TLR5: variants seen among roughly 807,000 people sequenced by gnomAD.
TLR5 encodes the protein toll-like receptor 5.
For synonymous variants in TLR5, 373 were observed against 384.4 expected (o/e 0.97, Z 0.35); for missense variants, 944 against 999.8 (o/e 0.94, Z 0.75).
chr1:223,136,643 G>A (rs1657624935), intron 3 of TLR5, among the ~76,000 whole-genome samples: 1 of 152,184 alleles, frequency 6.6e-6, no homozygotes. Flanking sequence ...AGGACTAAAA[G>A]TGACTTCTGA....
rs535521622 is a variant in TLR5 at position 223,131,133 on chromosome 1, G to A, written c.-5+1342C>T. ...CACACCCCTCACTTACTATCTGAGG[G>A]GGCTTCCTAGGGCATGACTCTGATT... On this transcript the variant is annotated intron_variant, in intron 5 of 5. Transcript: ENST00000642603. The surrounding 1 kb of genome is among the most constrained non-coding windows in gnomAD (Gnocchi z 4.2). Among the ~76,000 whole-genome samples, 1 of 152,246 alleles carries A rather than the reference G, an allele frequency of 6.6e-6. No individual in the cohort carries two copies. The highest frequency in any genetic ancestry group is 6.5e-5 in the Admixed American group (1 of 15,304).
intron 5 of TLR5, among the ~76,000 whole-genome samples, chr1:223,116,461 T>C (rs1459316905): frequency 6.6e-6 from 1 of 152,178 alleles, no homozygotes; most frequent in African/African-American, 2.4e-5. Context: ...CTTGCTGGCC[T>C]CAGGAATTAA....
At chr1:223,135,510 A>G (rs557826409) in intron 3 of TLR5, among the ~76,000 whole-genome samples, 2 of 152,306 alleles carry the variant, frequency 1.3e-5, no homozygotes, top group East Asian at 3.9e-4. Flanking sequence ...GAGGATAAAT[A>G]TCGGTTCTAG....
At position 223,110,764 on chromosome 1, in the gene TLR5, A is replaced by T; in HGVS notation, c.2268T>A (p.Cys756Ter). The change falls in exon 6 of 6, where the codon TGT (cysteine) becomes TGA (stop). Residue 756 changes from cysteine to a stop codon, truncating the protein, a stop_gained. Coordinates refer to ENST00000642603, the MANE Select transcript of TLR5 (RefSeq NM_003268.6). LOFTEE classifies it low-confidence loss of function (END_TRUNC). ...CTCTAAGGAAGTGTCTGCTCACAAG[A>T]CAAACGATCTTTCTACTGTTCCAGA... Reference protein sequence around the residue: ...DAIWNSRKIVCLVSRHFLRDG... With the variant: ...DAIWNSRKIV 6.2e-7 allele frequency: 1 copy of T among 1,614,250 alleles called. No individual in the cohort carries two copies. Among genetic ancestry groups the T allele is most frequent in the African/African-American group, 1.3e-5 (1 of 75,072 alleles).
intron 5 of TLR5, among the ~76,000 whole-genome samples, chr1:223,126,296 T>C (rs1168233549): frequency 6.6e-6 from 1 of 152,038 alleles, no homozygotes; most frequent in Non-Finnish European, 1.5e-5. Context: ...ATATCTAGAA[T>C]AGATAAATTC....
chr1:223,113,067 G>C lies in TLR5; in HGVS notation c.-4-32C>G, dbSNP rs773962734. The C allele has an allele frequency of 5.0e-6, 8 of 1,608,878 alleles. No homozygotes were observed. The African/African-American group carries it at 9.4e-5, about 19-fold the overall frequency. ...AGAAGAAGGGAGAATGAAAACACAG[G>C]CATTTAAGCTCGAGGTATTGCACTG... is the stretch of plus-strand genomic sequence containing the variant. On this transcript the variant is annotated intron_variant, in intron 5 of 5. Transcript: ENST00000642603.
intron 2 of TLR5, among the ~76,000 whole-genome samples, chr1:223,138,921 G>A (rs1186276967): frequency 3.3e-5 from 5 of 152,170 alleles, no homozygotes; most frequent in Non-Finnish European, 7.3e-5. Context: ...CAGGTCTTCT[G>A]CGTGCTGTTC....
At chr1:223,113,181 C>A in intron 5 of TLR5, 146 bp from the exon 6 acceptor site, 1 of 777,086 alleles carries the variant, frequency 1.3e-6, no homozygotes, top group East Asian at 2.7e-5. Context: ...TGGCTGTTGG[C>A]AGATACAGAC....
intron 5 of TLR5, among the ~76,000 whole-genome samples, chr1:223,119,969 A>AAAATAAAATAAAATAAAATAAAAT (rs1656865281): frequency 2.7e-5 from 2 of 75,372 alleles, no homozygotes; most frequent in African/African-American, 2.0e-4. Context: ...AAAATAAAAT[A>AAAATAAAATAAAATAAAATAAAAT]AAATAAAATA....
intron 5 of TLR5, among the ~76,000 whole-genome samples, chr1:223,124,455 A>AG (rs1401392752): frequency 1.3e-5 from 2 of 151,442 alleles, no homozygotes; most frequent in Non-Finnish European, 2.9e-5. Flanking sequence ...AACAAAAAAA[A>AG]AAAAGAAAAA....
intron 5 of TLR5, among the ~76,000 whole-genome samples, chr1:223,118,997 A>T (rs1656811349): frequency 6.6e-6 from 1 of 152,040 alleles, no homozygotes; most frequent in Non-Finnish European, 1.5e-5. Context: ...CTAGCTACTC[A>T]GGAGGCTCAG....
chr1:223,142,176 A>G (rs1004514280), intron 1 of TLR5, among the ~76,000 whole-genome samples: 3 of 152,172 alleles, frequency 2.0e-5, no homozygotes, highest in Non-Finnish European at 4.4e-5. Context: ...TGGCCCTGCA[A>G]GAGCCTGACT....
rs1201531121 is a variant in TLR5 at position 223,131,368 on chromosome 1, G to C, written c.-5+1107C>G. Among the ~76,000 whole-genome samples, 1 of 152,140 alleles carries C rather than the reference G, an allele frequency of 6.6e-6. No homozygotes were observed. The highest frequency in any genetic ancestry group is 2.4e-5 in the African/African-American group (1 of 41,416). The stretch of plus-strand genomic sequence containing the variant: ...GGCATCCCATCACTGCCTTGTGCTC[G>C]AGATCTAACTTGCCATTCTCAGAGT... On this transcript the variant is annotated intron_variant, in intron 5 of 5. Transcript: ENST00000642603. The surrounding 1 kb of genome is among the most constrained non-coding windows in gnomAD (Gnocchi z 4.2).
In TLR5 at chr1:223,114,346, TC is replaced by T. The variant is rs201211152; in HGVS notation, c.-4-1312del. On this transcript the variant is annotated intron_variant, in intron 5 of 5. Transcript: ENST00000642603. ...TGGTGTCTATTATTTGCACAGCACCTCCATCTTTGGTGCCTACTATGCATTC... is the reference window on the plus strand; with the variant it reads ...TGGTGTCTATTATTTGCACAGCACCTCATCTTTGGTGCCTACTATGCATTC... Among the ~76,000 whole-genome samples the T allele has an allele frequency of 2.8e-3, 429 of 152,332 alleles. 3 individuals carry two copies. Among genetic ancestry groups the T allele is most frequent in the African/African-American group, 0.01 (418 of 41,572 alleles).
Position 223,112,155 on chromosome 1 carries a change from G to A in TLR5, c.877C>T (p.Leu293=). 1 of 1,614,218 alleles carries A rather than the reference G, an allele frequency of 6.2e-7. No homozygotes were observed. The highest frequency in any genetic ancestry group is 8.5e-7 in the Non-Finnish European group (1 of 1,180,046). ...AAGACAAACCCATGTGAAAGATCCA[G>A]GTGTCTCACTGAACTTCTGGCCAGG... ...AGLARSSVRH[L]DLSHGFVFSL... Residue 293 remains leucine (L), a synonymous_variant, in exon 6 of 6, where the codon CTG becomes TTG. Coordinates refer to ENST00000642603, the MANE Select transcript of TLR5 (RefSeq NM_003268.6).
In TLR5 at chr1:223,112,097, T is replaced by C. The variant is rs1325241677; in HGVS notation, c.935A>G (p.Lys312Arg). 1.9e-6 allele frequency: 3 copies of C among 1,614,214 alleles called. No individual in the cohort carries two copies. Among genetic ancestry groups the C allele is most frequent in the South Asian group, 1.1e-5 (1 of 91,090 alleles). ...SLNSRVFETL[K>R]DLKVLNLAYN... ...GGCAAGGTTCAGAACCTTCAAATCC[T>C]TGAGTGTCTCAAAGACTCGTGAGTT... Residue 312 changes from lysine to arginine, a missense_variant, in exon 6 of 6, where the codon AAG (lysine) becomes AGG (arginine). Physicochemically the swap from Lys to Arg is conservative, Grantham distance 26. Coordinates refer to ENST00000642603, the MANE Select transcript of TLR5 (RefSeq NM_003268.6).
chr1:223,129,794 T>G (rs920443666), intron 5 of TLR5, among the ~76,000 whole-genome samples: 7 of 152,202 alleles, frequency 4.6e-5, no homozygotes, highest in African/African-American at 9.7e-5. Context: ...GTCATTAGCA[T>G]CAGGGATTAA....
chr1:223,113,136 C>T, intron 5 of TLR5, 101 bp from the exon 6 acceptor site: 4 of 1,108,692 alleles, frequency 3.6e-6, no homozygotes, highest in Non-Finnish European at 5.4e-6. Context: ...GTGCCTGCTC[C>T]CTTTGACCCC....
Position 223,111,355 on chromosome 1 carries a change from C to T in TLR5, c.1677G>A (p.Gln559=). ...NLEILDISRN[Q]LLAPNPDVFV... ...ATACATCAGGATTAGGAGCTAGGAG[C>T]TGGTTCCTGGATATGTCCAGGATCT... The change falls in exon 6 of 6, where the codon CAG becomes CAA. Residue 559 remains glutamine, a synonymous_variant. Transcript: ENST00000642603. 1 of 1,614,132 alleles carries T rather than the reference C, an allele frequency of 6.2e-7. No homozygotes were observed. The highest frequency in any genetic ancestry group is 1.1e-5 in the South Asian group (1 of 91,078).
Sources: gnomAD v4.1 joint callset for allele counts (sites outside exome capture counted in the v4.1 genomes callset) on GRCh38, gnomAD v4.1.1 for gene constraint, Gnocchi (gnomAD v3.1) non-coding constraint, MANE v1.5 for transcripts, NCBI Gene and HGNC (gene_info 2026-07-23, HGNC 2026-07-21) for gene names.